Variants in IL1RAPL2 observed in about 807,000 individuals in gnomAD.
The protein encoded by IL1RAPL2 is interleukin 1 receptor accessory protein like 2.
A neutral mutation model predicts 44.1 loss-of-function variants in IL1RAPL2; 3 were observed. That is an observed-to-expected ratio of 0.07 (90% CI 0.03 to 0.18). The LOEUF (loss-of-function observed/expected upper bound fraction) is 0.18. IL1RAPL2 is among the 10% of genes least tolerant of loss of function. The probability of loss-of-function intolerance (pLI) is 1.00; values close to 1 mark genes in which losing one functional copy is unlikely to be tolerated. For missense variants in IL1RAPL2, 391 were observed against 496.4 expected (o/e 0.79, Z 2.02); for synonymous variants, 181 against 178.8 (o/e 1.01, Z -0.10).
intron 2 of IL1RAPL2, among the ~76,000 whole-genome samples, chrX:104,686,335 G>A (rs926583651): frequency 6.2e-5 from 7 of 112,103 alleles, no homozygotes; most frequent in Non-Finnish European, 1.3e-4. Context: ...AGATGTAACC[G>A]AGTGTACATA....
intron 2 of IL1RAPL2, among the ~76,000 whole-genome samples, chrX:104,885,575 G>C (rs987592292): frequency 9.0e-6 from 1 of 111,677 alleles, no homozygotes; most frequent in Non-Finnish European, 1.9e-5. Flanking sequence ...AGCAAGCCCT[G>C]GGTCCTGAAC....
chrX:105,759,392 C>A (rs757983862), intron 10 of IL1RAPL2, among the ~76,000 whole-genome samples: 1 of 111,502 alleles, frequency 9.0e-6, no homozygotes, highest in Non-Finnish European at 1.9e-5. Flanking sequence ...AAAAAAAATC[C>A]TTGGAAGGTT....
At chrX:104,893,953 C>A (rs1477777808) in intron 2 of IL1RAPL2, among the ~76,000 whole-genome samples, 1 of 111,560 alleles carries the variant, frequency 9.0e-6, no homozygotes, top group Non-Finnish European at 1.9e-5. Flanking sequence ...TTTAGTCCCT[C>A]CTTCAGGAGC....
intron 1 of IL1RAPL2, among the ~76,000 whole-genome samples, chrX:104,588,748 C>A (rs1035163507): frequency 4.5e-5 from 5 of 111,629 alleles, no homozygotes; most frequent in Non-Finnish European, 1.9e-5. Context: ...TTTCTTAAGT[C>A]CAGTGGAAAA....
At chrX:105,014,065 A>G (rs2031118753) in intron 2 of IL1RAPL2, among the ~76,000 whole-genome samples, 1 of 112,065 alleles carries the variant, frequency 8.9e-6, no homozygotes, top group Non-Finnish European at 1.9e-5. Context: ...TTTTTATATC[A>G]TGAGTATAAG....
At chrX:105,009,408 A>G (rs774365099) in intron 2 of IL1RAPL2, among the ~76,000 whole-genome samples, 1 of 109,573 alleles carries the variant, frequency 9.1e-6, no homozygotes, top group African/African-American at 3.4e-5. Flanking sequence ...ACCATGGAAT[A>G]CTATGCAGCC....
intron 1 of IL1RAPL2, among the ~76,000 whole-genome samples, chrX:104,567,942 C>T (rs898512632): frequency 8.9e-6 from 1 of 112,345 alleles, no homozygotes; most frequent in Non-Finnish European, 1.9e-5. Context: ...TGCAGCCATC[C>T]CCTCTCCATC....
chrX:104,767,292 A>G (rs1300611942), intron 2 of IL1RAPL2, among the ~76,000 whole-genome samples: 1 of 111,773 alleles, frequency 8.9e-6, no homozygotes, highest in Non-Finnish European at 1.9e-5. Flanking sequence ...ATTGCAATTT[A>G]TTTTACATTG....
At chrX:105,191,663 A>C in intron 2 of IL1RAPL2, among the ~76,000 whole-genome samples, 1 of 112,562 alleles carries the variant, frequency 8.9e-6, no homozygotes, top group Non-Finnish European at 1.9e-5. Context: ...ATAAGACTTG[A>C]GTGAACAGAG....
chrX:104,658,876 C>CTT lies in IL1RAPL2; in HGVS notation c.-19-12_-19-11dup. 9.4e-7 allele frequency: 1 copy of CTT among 1,069,152 alleles called. No homozygotes were observed. Among genetic ancestry groups the CTT allele is most frequent in the Non-Finnish European group, 1.3e-6 (1 of 770,878 alleles). The allele number at this position is 1,069,152 out of a possible 1,213,427, so 88.1% of individuals were successfully genotyped here. A position where few individuals can be genotyped will look rare whatever the true frequency, so the allele number is the denominator to read the frequency against. Reference sequence around the variant, plus strand: ...AGATCTGTGGTTCAAACTTTATATCCTTTTTTTTGACTTTTCAGCTGTCAA... The same window carrying CTT: ...AGATCTGTGGTTCAAACTTTATATCCTTTTTTTTTTGACTTTTCAGCTGTCAA... On this transcript the variant is annotated intron_variant, in intron 1 of 10. Coordinates refer to ENST00000372582, the MANE Select transcript of IL1RAPL2 (RefSeq NM_017416.2).
At chrX:104,755,737 GT>G (rs1438267780) in intron 2 of IL1RAPL2, among the ~76,000 whole-genome samples, 3 of 110,223 alleles carry the variant, frequency 2.7e-5, no homozygotes, top group African/African-American at 9.9e-5. Flanking sequence ...GTCCCCCTAA[GT>G]CCCCCCAAAA....
At chrX:105,356,333 C>T (rs1270219665) in intron 5 of IL1RAPL2, among the ~76,000 whole-genome samples, 1 of 111,093 alleles carries the variant, frequency 9.0e-6, no homozygotes, top group African/African-American at 3.3e-5. Flanking sequence ...TATTTTTGCA[C>T]TTCATGTTTA....
At chrX:104,933,202 G>A (rs188806980) in intron 2 of IL1RAPL2, among the ~76,000 whole-genome samples, 5 of 111,128 alleles carry the variant, frequency 4.5e-5, no homozygotes, top group Admixed American at 2.9e-4. Flanking sequence ...AAACCAACAT[G>A]GCACATGTAT....
At chrX:104,751,836 A>T (rs910714843) in intron 2 of IL1RAPL2, among the ~76,000 whole-genome samples, 3 of 111,366 alleles carry the variant, frequency 2.7e-5, no homozygotes, top group Non-Finnish European at 3.8e-5. Flanking sequence ...TCTGTGTTCA[A>T]ATCTCGTTAT....
chrX:105,529,938 C>T (rs1038062357), intron 6 of IL1RAPL2, among the ~76,000 whole-genome samples: 5 of 112,016 alleles, frequency 4.5e-5, no homozygotes, highest in Non-Finnish European at 7.5e-5. Context: ...ATTGTTTATC[C>T]ATTCATTCTT....
At chrX:105,220,871 T>G (rs895816683) in intron 3 of IL1RAPL2, among the ~76,000 whole-genome samples, 1 of 111,809 alleles carries the variant, frequency 8.9e-6, no homozygotes, top group African/African-American at 3.3e-5. Flanking sequence ...CAGAAAAGAC[T>G]TAGAACCAAG....
rs1047679674 is a variant in IL1RAPL2 at position 104,659,060 on chromosome X, C to G, written c.82+65C>G. 6 of 739,605 alleles carry G rather than the reference C, an allele frequency of 8.1e-6. No homozygotes were observed. In the Middle Eastern group the frequency reaches 8.8e-4, roughly 108 times the overall value. 61.0% of individuals were successfully genotyped at this position (739,605 alleles called of 1,213,427 possible). ...TACAGTTTTGTGAGCACCCAGAGGG[C>G]ACCTGTGCCTTTAACTATGAATGTC... On this transcript the variant is annotated intron_variant, in intron 2 of 10. Transcript: ENST00000372582.
At chrX:104,677,777 G>T (rs913959778) in intron 2 of IL1RAPL2, among the ~76,000 whole-genome samples, 1 of 112,298 alleles carries the variant, frequency 8.9e-6, no homozygotes, top group Non-Finnish European at 1.9e-5. Context: ...CTCCATGCCA[G>T]TTGTGGGATT....
At chrX:105,188,694 A>T (rs2147609034) in intron 2 of IL1RAPL2, among the ~76,000 whole-genome samples, 1 of 112,006 alleles carries the variant, frequency 8.9e-6, no homozygotes, top group East Asian at 2.8e-4. Flanking sequence ...GAAGCATATA[A>T]TCCAATTCAT....
Sources: allele counts gnomAD v4.1 joint callset (sites outside exome capture counted in the v4.1 genomes callset), GRCh38; gene constraint gnomAD v4.1.1; transcripts MANE v1.5; gene names NCBI Gene and HGNC (gene_info 2026-07-23, HGNC 2026-07-21).